Variants in MDM1 observed in about 807,000 individuals in gnomAD.
MDM1 encodes the protein stabilizer of axonemal microtubules 6.
Under a neutral mutation model 89.1 loss-of-function variants are expected in MDM1, and 61 were observed. That is an observed-to-expected ratio of 0.68 (90% CI 0.56 to 0.85). MDM1 has a LOEUF of 0.85. Ranked by LOEUF, MDM1 falls within the 40% of genes least tolerant of loss-of-function variation. The probability of loss-of-function intolerance (pLI) is 0.00; values close to 1 mark genes in which losing one functional copy is unlikely to be tolerated. For missense variants in MDM1, 820 were observed against 846.5 expected, an observed-to-expected ratio of 0.97 and a Z score of 0.39; for synonymous variants, 290 against 294.1, an observed-to-expected ratio of 0.99 and a Z score of 0.14.
intron 2 of MDM1, among the ~76,000 whole-genome samples, chr12:68,329,972 A>T (rs981028692): frequency 1.3e-5 from 2 of 152,160 alleles, no homozygotes; most frequent in African/African-American, 4.8e-5. Context: ...CAGCGACCTC[A>T]TCTCCCTAAG....
rs1874618567 is a variant in MDM1, at chr12:68,317,233, AC to A, written c.1006-624del. The stretch of plus-strand genomic sequence containing the variant: ...ACCCATTTGAAACCTTTCACTTTAT[AC>A]ATCATACTGCCACCTGCTGGCTTCT... On this transcript the variant is annotated intron_variant, in intron 7 of 14. Transcript: ENST00000682720. Among the ~76,000 whole-genome samples, 5 of 152,188 alleles carry A rather than the reference AC, an allele frequency of 3.3e-5. No individual in the cohort carries two copies. In the South Asian group the frequency reaches 1.0e-3, roughly 31 times the overall value.
At chr12:68,312,615 GGAAAAAA>G (rs1325580937) in intron 12 of MDM1, among the ~76,000 whole-genome samples, 5 of 151,988 alleles carry the variant, frequency 3.3e-5, no homozygotes, top group Non-Finnish European at 7.4e-5. Context: ...GAAAGACCTT[GGAAAAAA>G]ACTAAATAAA....
chr12:68,302,665 G>A lies in MDM1; in HGVS notation c.1957C>T (p.Arg653Ter), dbSNP rs147627177. 4.5e-5 allele frequency: 73 copies of A among 1,613,648 alleles called. 1 individual carries two copies. The African/African-American group carries it at 6.7e-4, about 15-fold the overall frequency. ...PHVPSYWHPSRRIQGSLRDPE... is the reference protein window; with the variant it reads ...PHVPSYWHPS Reference sequence around the variant, plus strand: ...TCTCTAAGAGAGCCCTGAATTCGTCGAGAGGGATGCCAGTAGGATGGAACA... The same window carrying A: ...TCTCTAAGAGAGCCCTGAATTCGTCAAGAGGGATGCCAGTAGGATGGAACA... Residue 653 changes from arginine (R) to a stop codon, truncating the protein, a stop_gained, in exon 13 of 15, where the codon CGA becomes TGA. Coordinates refer to ENST00000682720, the MANE Select transcript of MDM1 (RefSeq NM_001354969.2). LOFTEE classifies it high-confidence loss of function.
At chr12:68,321,838 G>A (rs191809490) in intron 5 of MDM1, among the ~76,000 whole-genome samples, 2 of 152,254 alleles carry the variant, frequency 1.3e-5, no homozygotes, top group Non-Finnish European at 2.9e-5. Flanking sequence ...GTTTAGCTGA[G>A]GATATAGTTT....
intron 3 of MDM1, chr12:68,325,833 T>C (rs1252799597): frequency 9.0e-7 from 1 of 1,105,316 alleles, no homozygotes; most frequent in Non-Finnish European, 1.1e-6. Flanking sequence ...AAAAATATAA[T>C]ACTCTCAGTC....
chr12:68,298,841 A>C (rs1473416862), intron 13 of MDM1, among the ~76,000 whole-genome samples: 1 of 152,192 alleles, frequency 6.6e-6, no homozygotes, highest in Non-Finnish European at 1.5e-5. Context: ...CTCAGTAAAC[A>C]AAATACTGGA....
chr12:68,325,700 A>G, intron 3 of MDM1, 125 bp from the exon 4 acceptor site: 2 of 1,358,360 alleles, frequency 1.5e-6, no homozygotes, highest in Admixed American at 3.0e-5. Flanking sequence ...CTACAGTGCA[A>G]AATTGTTAAC....
chr12:68,316,470 A>T, intron 8 of MDM1, 111 bp downstream of exon 8: 4 of 988,336 alleles, frequency 4.0e-6, no homozygotes. Context: ...ACCAGCAGGC[A>T]GGGAGAAATT....
intron 4 of MDM1, 88 bp from the exon 5 acceptor site, chr12:68,323,328 A>G (rs1438976898): frequency 7.7e-6 from 7 of 914,804 alleles, no homozygotes; most frequent in Non-Finnish European, 1.1e-5. Context: ...ATAAAGTTGA[A>G]TTACAGGACA....
At chr12:68,313,821 G>A in intron 10 of MDM1, 68 bp from the exon 11 acceptor site, 1 of 1,331,518 alleles carries the variant, frequency 7.5e-7, no homozygotes, top group Non-Finnish European at 1.1e-6. Flanking sequence ...AAAATACTTT[G>A]CCATCATTGT....
chr12:68,332,360 C>T lies in MDM1; in HGVS notation c.-115G>A, dbSNP rs1411429688. On this transcript the variant is annotated 5_prime_UTR_variant, in exon 1 of 15. Transcript: ENST00000682720. ...AGCCTCGGCCCGGCGTCCCCGACTA[C>T]GCGCCGGCGCACTCCGCGCTTCCCG... 11 of 1,307,790 alleles carry T rather than the reference C, an allele frequency of 8.4e-6. No homozygotes were observed. In the Admixed American group the frequency reaches 1.1e-4, roughly 13 times the overall value. The allele number at this position is 1,307,790 out of a possible 1,614,324, so 81.0% of individuals were successfully genotyped here. A position where few individuals can be genotyped will look rare whatever the true frequency, so the allele number is the denominator to read the frequency against.
intron 7 of MDM1, among the ~76,000 whole-genome samples, chr12:68,320,680 A>T (rs1875104135): frequency 6.6e-6 from 1 of 152,230 alleles, no homozygotes; most frequent in African/African-American, 2.4e-5. Flanking sequence ...AAACAGAAAC[A>T]TTTTAATTTA....
At position 68,313,745 on chromosome 12, in the gene MDM1, G is replaced by A. The variant is rs1874044587; in HGVS notation, c.1538C>T (p.Ser513Phe). Residue 513 changes from serine (S) to phenylalanine (F), a missense_variant, in exon 11 of 15, where the codon TCT becomes TTT. Transcript: ENST00000682720. ...GCCTCCTTTTTCTGAGGATACAGAA[G>A]AATCTGACCTATAAATTGAAACAAT... ...KADKMKEGSD[S>F]SVSSEKGGRL... 1.9e-6 allele frequency: 3 copies of A among 1,610,300 alleles called. No homozygotes were observed. The highest frequency in any genetic ancestry group is 1.7e-6 in the Non-Finnish European group (2 of 1,176,708).
intron 2 of MDM1, among the ~76,000 whole-genome samples, chr12:68,330,313 A>T (rs1876600901): frequency 6.6e-6 from 1 of 152,218 alleles, no homozygotes; most frequent in Non-Finnish European, 1.5e-5. Flanking sequence ...AGATGCAGAT[A>T]AACTAGGGAG....
intron 3 of MDM1, chr12:68,326,452 A>G (rs1280286437): frequency 1.4e-6 from 2 of 1,472,758 alleles, no homozygotes; most frequent in Non-Finnish European, 1.8e-6. Context: ...ATCATAGTAC[A>G]ACTACTACAA....
In MDM1 at chr12:68,302,886, A is replaced by G; in HGVS notation, c.1750-14T>C. ...ACGACTTTCTTTCTAAATGACAAAA[A>G]AAAAAAAAAAAAAAAGATGCCTATG... On this transcript the variant is annotated splice_polypyrimidine_tract_variant and intron_variant, in intron 12 of 14. Transcript: ENST00000682720. The G allele has an allele frequency of 1.4e-6, 2 of 1,470,388 alleles. No individual in the cohort carries two copies. Among genetic ancestry groups the G allele is most frequent in the Non-Finnish European group, 1.8e-6 (2 of 1,100,612 alleles). The allele number at this position is 1,470,388 out of a possible 1,614,324, so 91.1% of individuals were successfully genotyped here.
chr12:68,316,442 G>A (rs929468230), intron 8 of MDM1, 139 bp downstream of exon 8: 3 of 929,254 alleles, frequency 3.2e-6, no homozygotes, highest in Non-Finnish European at 4.8e-6. Context: ...AAAGCATGAT[G>A]CAGTTATTTT....
At chr12:68,307,718 A>G (rs1026814950) in intron 12 of MDM1, among the ~76,000 whole-genome samples, 1 of 152,096 alleles carries the variant, frequency 6.6e-6, no homozygotes, top group Admixed American at 6.5e-5. Flanking sequence ...CAGGTGGATC[A>G]CTTGAGGCCA....
At position 68,298,166 on chromosome 12, in the gene MDM1, G is replaced by A. The variant is rs149520473; in HGVS notation, c.2003-1184C>T. Among the ~76,000 whole-genome samples, 507 of 152,270 alleles carry A rather than the reference G, an allele frequency of 3.3e-3. 7 individuals carry two copies. The highest frequency in any genetic ancestry group is 0.011 in the African/African-American group (472 of 41,540). Reference sequence around the variant, plus strand: ...TTATATCATCTCTAGGTAGAATAACGCTGTGCCCAGAAAACCAGTGCCTGA... The same window carrying A: ...TTATATCATCTCTAGGTAGAATAACACTGTGCCCAGAAAACCAGTGCCTGA... On this transcript the variant is annotated intron_variant, in intron 13 of 14. Coordinates refer to ENST00000682720, the MANE Select transcript of MDM1 (RefSeq NM_001354969.2).
Sources: allele counts gnomAD v4.1 joint callset (sites outside exome capture counted in the v4.1 genomes callset), GRCh38; gene constraint gnomAD v4.1.1; transcripts MANE v1.5; gene names NCBI Gene and HGNC (gene_info 2026-07-23, HGNC 2026-07-21).